Variants in MED12L observed in about 807,000 individuals in gnomAD.
MED12L encodes the protein mediator complex subunit 12L, also known as mediator of RNA polymerase II transcription subunit 12-like protein.
Under a neutral mutation model 281.3 loss-of-function variants are expected in MED12L, and 60 were observed. That is an observed-to-expected ratio of 0.21 (90% CI 0.17 to 0.26). MED12L has a LOEUF of 0.26. MED12L is among the 10% of genes least tolerant of loss of function. The pLI, the probability that MED12L is intolerant of heterozygous loss-of-function variation, is 1.00. For synonymous variants in MED12L, 974 were observed against 987.2 expected (o/e 0.99, Z 0.25); for missense variants, 2,146 against 2,680.9 (o/e 0.80, Z 4.41).
chr3:151,379,525 C>T (rs1711854433), intron 31 of MED12L, among the ~76,000 whole-genome samples: 1 of 152,272 alleles, frequency 6.6e-6, no homozygotes, highest in Middle Eastern at 3.4e-3. Flanking sequence ...TATGTTGGAG[C>T]CTGTGGGCTG....
intron 16 of MED12L, among the ~76,000 whole-genome samples, chr3:151,303,703 C>A (rs1746256248): frequency 2.0e-5 from 3 of 152,186 alleles, no homozygotes; most frequent in Admixed American, 2.0e-4. Flanking sequence ...GCGGAAGTTG[C>A]AGTGAGCTGA....
At chr3:151,167,390 A>G (rs1297787211) in intron 11 of MED12L, among the ~76,000 whole-genome samples, 4 of 152,248 alleles carry the variant, frequency 2.6e-5, no homozygotes, top group South Asian at 2.1e-4. Context: ...TCAATACCTT[A>G]GTTAGCTGAT....
chr3:151,344,019 T>G (rs1188245304), intron 16 of MED12L, among the ~76,000 whole-genome samples: 4 of 152,156 alleles, frequency 2.6e-5, no homozygotes, highest in Non-Finnish European at 4.4e-5. Context: ...GCTTTATCCA[T>G]TGGAATATAG....
chr3:151,243,215 T>TC (rs1324706093), intron 16 of MED12L, among the ~76,000 whole-genome samples: 4 of 151,684 alleles, frequency 2.6e-5, no homozygotes, highest in Non-Finnish European at 5.9e-5. Flanking sequence ...CAGGAGAACT[T>TC]CCCCAATCTA....
intron 16 of MED12L, among the ~76,000 whole-genome samples, chr3:151,347,641 G>A (rs113585099): frequency 0.04 from 6,076 of 152,152 alleles, 312 homozygotes; most frequent in African/African-American, 0.12. Flanking sequence ...GAAGTGCCCT[G>A]GAGTCTTGGT....
intron 5 of MED12L, among the ~76,000 whole-genome samples, chr3:151,155,943 T>TG (rs1719218184): frequency 6.6e-6 from 1 of 152,224 alleles, no homozygotes; most frequent in African/African-American, 2.4e-5. Context: ...AGCTGGCTGC[T>TG]GCCACAGGGC....
In MED12L at chr3:151,382,642, T is replaced by C; in HGVS notation, c.4591-14T>C. The C allele has an allele frequency of 1.3e-6, 2 of 1,599,012 alleles. No homozygotes were observed. The highest frequency in any genetic ancestry group is 1.7e-6 in the Non-Finnish European group (2 of 1,172,968). ...AAATTAAACTTTAATGGGGAGTTTT[T>C]TTCCGGATCTTAGATTTTAAGTAAC... On this transcript the variant is annotated splice_polypyrimidine_tract_variant and intron_variant, in intron 32 of 44. Coordinates refer to ENST00000687756, the MANE Select transcript of MED12L (RefSeq NM_001393769.1).
intron 5 of MED12L, among the ~76,000 whole-genome samples, chr3:151,147,649 A>G (rs958526838): frequency 5.9e-5 from 9 of 152,176 alleles, no homozygotes; most frequent in Non-Finnish European, 1.2e-4. Flanking sequence ...CAGTTAGTGT[A>G]TGTTTTCCTG....
At chr3:151,390,177 A>G in intron 38 of MED12L, 42 bp downstream of exon 38, 1 of 1,595,768 alleles carries the variant, frequency 6.3e-7, no homozygotes, top group Non-Finnish European at 8.6e-7. Context: ...GATGAGAAAC[A>G]GCTTGTGGTT....
In MED12L at chr3:151,218,617, C is replaced by T. The variant is rs137936129; in HGVS notation, c.2250+24951C>T. On this transcript the variant is annotated intron_variant, in intron 16 of 44. Coordinates refer to ENST00000687756, the MANE Select transcript of MED12L (RefSeq NM_001393769.1). ...GGCACGGTGGCTCAAGCCTGTAATC[C>T]CAGCACTTTGGGAGGCCGAGGTGGG... 9.2e-4 allele frequency among the ~76,000 whole-genome samples: 140 copies of T among 151,828 alleles called. 1 individual carries two copies. The highest frequency in any genetic ancestry group is 3.3e-3 in the African/African-American group (138 of 41,420).
intron 43 of MED12L, among the ~76,000 whole-genome samples, chr3:151,420,169 A>G (rs181742837): frequency 6.6e-6 from 1 of 152,296 alleles, no homozygotes; most frequent in African/African-American, 2.4e-5. Flanking sequence ...TAGTAACACT[A>G]AGAGACGCCC....
At chr3:151,147,102 T>C (rs1471753718) in intron 5 of MED12L, among the ~76,000 whole-genome samples, 2 of 152,218 alleles carry the variant, frequency 1.3e-5, no homozygotes, top group Admixed American at 1.3e-4. Flanking sequence ...ACATCAAACA[T>C]GTACAAATAT....
At chr3:151,204,047 T>C (rs893292098) in intron 16 of MED12L, among the ~76,000 whole-genome samples, 4 of 152,198 alleles carry the variant, frequency 2.6e-5, no homozygotes, top group African/African-American at 9.6e-5. Flanking sequence ...ACTGAATGTT[T>C]GAAAGAAGCC....
chr3:151,418,637 G>T (rs983836045), intron 43 of MED12L, among the ~76,000 whole-genome samples: 1 of 152,154 alleles, frequency 6.6e-6, no homozygotes, highest in Non-Finnish European at 1.5e-5. Flanking sequence ...GATATACATT[G>T]TTGGTGATAT....
chr3:151,426,836 G>C (rs1240618580), intron 43 of MED12L, among the ~76,000 whole-genome samples: 2 of 117,416 alleles, frequency 1.7e-5, no homozygotes, highest in Admixed American at 1.8e-4. Flanking sequence ...TTTTTTTTTT[G>C]AGACAGGGTC....
At chr3:151,117,500 A>G (rs1210628485) in intron 3 of MED12L, among the ~76,000 whole-genome samples, 1 of 152,048 alleles carries the variant, frequency 6.6e-6, no homozygotes, top group Admixed American at 6.5e-5. Flanking sequence ...GCTGCAGGGT[A>G]TTTCCCCTGC....
At chr3:151,348,758 T>C (rs2150010596) in intron 16 of MED12L, among the ~76,000 whole-genome samples, 1 of 152,298 alleles carries the variant, frequency 6.6e-6, no homozygotes, top group South Asian at 2.1e-4. Context: ...ACACAAAGAC[T>C]GAGAGCCAAG....
At chr3:151,424,189 A>AT (rs952404235) in intron 43 of MED12L, among the ~76,000 whole-genome samples, 5 of 152,194 alleles carry the variant, frequency 3.3e-5, no homozygotes, top group South Asian at 4.1e-4. Flanking sequence ...GAATTTGGAA[A>AT]TTTTTTTTTT....
chr3:151,221,440 A>G (rs1458717749), intron 16 of MED12L, among the ~76,000 whole-genome samples: 1 of 152,226 alleles, frequency 6.6e-6, no homozygotes, highest in Non-Finnish European at 1.5e-5. Context: ...CTGCAAGCCC[A>G]TCACATCGCA....
Sources: allele counts gnomAD v4.1 joint callset (sites outside exome capture counted in the v4.1 genomes callset), GRCh38; gene constraint gnomAD v4.1.1; transcripts MANE v1.5; gene names NCBI Gene and HGNC (gene_info 2026-07-23, HGNC 2026-07-21).